GAS2L2: variants seen among roughly 807,000 people sequenced by gnomAD.
GAS2L2 encodes the protein growth arrest specific 2 like 2, also known as GAS2-like protein 2.
In GAS2L2, 21 loss-of-function variants were observed where a neutral mutation model predicts 35.2. That is an observed-to-expected ratio of 0.60 (90% CI 0.42 to 0.86). The LOEUF (loss-of-function observed/expected upper bound fraction) is 0.86. GAS2L2 is among the 40% of genes least tolerant of loss of function. GAS2L2 has a pLI of 0.00. For missense variants in GAS2L2, 1,169 were observed against 1,144.4 expected, an observed-to-expected ratio of 1.02 and a Z score of -0.31; for synonymous variants, 490 against 473.2, an observed-to-expected ratio of 1.04 and a Z score of -0.46.
rs2085658007 is a variant in GAS2L2 at position 35,745,331 on chromosome 17, C to A, written c.2166G>T (p.Gln722His). The change falls in exon 6 of 6, where the codon CAG becomes CAT. Residue 722 changes from glutamine to histidine, a missense_variant. Coordinates refer to ENST00000604641, the MANE Select transcript of GAS2L2 (RefSeq NM_139285.4). Reference protein sequence around the residue: ...KGTHMRKVPPQGGQDCSASTV... With the variant: ...KGTHMRKVPPHGGQDCSASTV... ...TAGAAGCCGAGCAGTCCTGCCCTCC[C>A]TGAGGTGGGACCTTCCTCATGTGGG... 4 of 1,609,888 alleles carry A rather than the reference C, an allele frequency of 2.5e-6. No homozygotes were observed. Among genetic ancestry groups the A allele is most frequent in the Non-Finnish European group, 3.4e-6 (4 of 1,177,436 alleles).
chr17:35,749,285 C>T (rs1454937544), intron 2 of GAS2L2, 68 bp from the exon 3 acceptor site: 3 of 951,984 alleles, frequency 3.2e-6, no homozygotes, highest in African/African-American at 3.3e-5. Context: ...GGCCTACCTG[C>T]CCCCCAGGTC....
Position 35,744,858 on chromosome 17 carries a change from A to G in GAS2L2, c.2639T>C (p.Val880Ala), listed in dbSNP as rs782408278. ...TACCCAACACGCTCATGTGCCTCAG[A>G]CCCAGGACTCCTCCTCAGGTGGAAG... is the stretch of plus-strand genomic sequence containing the variant. The part of the protein sequence containing the change: ...APLPPEEESW[V>A] The change falls in exon 6 of 6, where the codon GTC (valine) becomes GCC (alanine). Residue 880 changes from valine (V) to alanine (A), a missense_variant. Physicochemically the swap from Val to Ala is moderately conservative, Grantham distance 64. Transcript: ENST00000604641. The G allele has an allele frequency of 4.4e-6, 7 of 1,579,788 alleles. No individual in the cohort carries two copies. The African/African-American group carries it at 6.8e-5, about 15-fold the overall frequency.
In GAS2L2 at chr17:35,745,877, G is replaced by A. The variant is rs144128342; in HGVS notation, c.1620C>T (p.Ala540=). The A allele has an allele frequency of 3.8e-4, 614 of 1,613,628 alleles. No homozygotes were observed. Among genetic ancestry groups the A allele is most frequent in the Middle Eastern group, 9.9e-4 (6 of 6,062 alleles). The stretch of plus-strand genomic sequence containing the variant: ...TGGACCCAGCCAGGTCCACAGTGAC[G>A]GCCCTTAGTGGGATGGGGTCTCTCC... ...ELGRDPIPLR[A]VTVDLAGSTH... Residue 540 remains alanine, a synonymous_variant, in exon 6 of 6, where the codon GCC becomes GCT. Coordinates refer to ENST00000604641, the MANE Select transcript of GAS2L2 (RefSeq NM_139285.4).
Position 35,745,651 on chromosome 17 carries a change from C to T in GAS2L2, c.1846G>A (p.Glu616Lys). The change falls in exon 6 of 6, where the codon GAA becomes AAA. Residue 616 changes from glutamate to lysine, a missense_variant. Physicochemically the swap from Glu to Lys is moderately conservative, Grantham distance 56. Transcript: ENST00000604641. ...CCCTGCGGACAGGCACTCCTGACTT[C>T]TAGCAGCTTCATGTTGCCCAAAATC... ...EEILGNMKLL[E>K]VRSACPQGTR... The T allele has an allele frequency of 6.2e-7, 1 of 1,613,980 alleles. No homozygotes were observed. Among genetic ancestry groups the T allele is most frequent in the Non-Finnish European group, 8.5e-7 (1 of 1,180,044 alleles).
intron 3 of GAS2L2, among the ~76,000 whole-genome samples, 198 bp downstream of exon 3, chr17:35,748,912 C>G (rs1555599370): frequency 6.6e-6 from 1 of 152,172 alleles, no homozygotes; most frequent in East Asian, 1.9e-4. Flanking sequence ...AGAAGGAGAG[C>G]TCCAAGGCCT....
At chr17:35,750,756 C>A (rs1555599674) in intron 1 of GAS2L2, among the ~76,000 whole-genome samples, 1 of 152,172 alleles carries the variant, frequency 6.6e-6, no homozygotes, top group East Asian at 1.9e-4. Context: ...TCAAACTCAG[C>A]TCCCACCCAG....
At position 35,746,435 on chromosome 17, in the gene GAS2L2, G is replaced by T. The variant is rs782628971; in HGVS notation, c.1086-24C>A. 10 of 1,316,440 alleles carry T rather than the reference G, an allele frequency of 7.6e-6. No homozygotes were observed. In the South Asian group the frequency reaches 3.0e-4, roughly 39 times the overall value. The allele number at this position is 1,316,440 out of a possible 1,614,324, so 81.5% of individuals were successfully genotyped here. A position where few individuals can be genotyped will look rare whatever the true frequency, so the allele number is the denominator to read the frequency against. On this transcript the variant is annotated intron_variant, in intron 5 of 5. Transcript: ENST00000604641. ...ACCTGAAAGGGAGAATCACAAGGCT[G>T]CAAAGGGAGACTCATCAGGCCGGCA...
chr17:35,752,722 G>A lies in GAS2L2; in HGVS notation c.129C>T (p.Arg43=), dbSNP rs781955631. The A allele has an allele frequency of 2.9e-5, 46 of 1,613,838 alleles. No homozygotes were observed. The highest frequency in any genetic ancestry group is 1.3e-4 in the South Asian group (12 of 91,082). Residue 43 remains arginine (R), a synonymous_variant, in exon 1 of 6, where the codon CGC becomes CGT. Transcript: ENST00000604641. Reference sequence around the variant, plus strand: ...CGTCGATGTCCAGCCCATAGAGGTCGCGAAGCCACTCAGCCAGGTCTTCCT... The same window carrying A: ...CGTCGATGTCCAGCCCATAGAGGTCACGAAGCCACTCAGCCAGGTCTTCCT... ...AMKEDLAEWL[R]DLYGLDIDAA...
In GAS2L2 at chr17:35,747,122, T is replaced by G; in HGVS notation, c.979A>C (p.Thr327Pro). The G allele has an allele frequency of 6.2e-7, 1 of 1,613,486 alleles. No homozygotes were observed. The highest frequency in any genetic ancestry group is 1.1e-5 in the South Asian group (1 of 91,060). ...PPPPVDWKTY[T>P]SSDRRLRPPT... is the part of the protein sequence containing the mutation. ...GGCCTCAGCCTTCGGTCTGAAGAGG[T>G]ATATGTCTTCCAGTCCACAGGGGGT... Residue 327 changes from threonine to proline, a missense_variant, in exon 5 of 6, where the codon ACC becomes CCC. Around this residue, in one of 3 missense-constraint regions of GAS2L2, gnomAD observed 1,035 missense variants for 976.5 expected, o/e 1.06. Transcript: ENST00000604641.
chr17:35,746,713 C>T (rs1462300584), intron 5 of GAS2L2, among the ~76,000 whole-genome samples: 1 of 152,110 alleles, frequency 6.6e-6, no homozygotes, highest in African/African-American at 2.4e-5. Context: ...AGTTGCAGGG[C>T]AGTGGAGAGA....
rs1017367436 is a variant in GAS2L2 at position 35,747,030 on chromosome 17, C to A, written c.1071G>T (p.Met357Ile). The A allele has an allele frequency of 8.9e-6, 14 of 1,580,096 alleles. No individual in the cohort carries two copies. The highest frequency in any genetic ancestry group is 3.4e-4 in the Middle Eastern group (2 of 5,860). ...CTTCCCCATACCTCAGGAATGGTGC[C>A]ATCTCTCTGGAGGCCCCCGTCCCTG... ...RGAGTGASRE[M>I]APFLRCQERS... Residue 357 changes from methionine to isoleucine, a missense_variant, in exon 5 of 6, where the codon ATG (methionine) becomes ATT (isoleucine). Physicochemically the swap from Met to Ile is conservative, Grantham distance 10. Transcript: ENST00000604641.
intron 1 of GAS2L2, among the ~76,000 whole-genome samples, chr17:35,751,284 G>A (rs2085701705): frequency 6.6e-6 from 1 of 152,054 alleles, no homozygotes; most frequent in South Asian, 2.1e-4. Context: ...CCTCTCCCTA[G>A]TCATTCACAC....
Position 35,744,710 on chromosome 17 carries a change from G to T in GAS2L2, c.*144C>A. On this transcript the variant is annotated 3_prime_UTR_variant, in exon 6 of 6. Coordinates refer to ENST00000604641, the MANE Select transcript of GAS2L2 (RefSeq NM_139285.4). ...GCCCCTTTGCTCAGATGAGCAGATG[G>T]AGTCTATATTTGTCTTCTGACCCAC... 1.5e-6 allele frequency: 1 copy of T among 658,936 alleles called. No homozygotes were observed. The highest frequency in any genetic ancestry group is 2.6e-6 in the Non-Finnish European group (1 of 387,592). The allele number at this position is 658,936 out of a possible 1,614,324, so 40.8% of individuals were successfully genotyped here.
chr17:35,750,497 T>A (rs761278962), intron 1 of GAS2L2, among the ~76,000 whole-genome samples, 179 bp from the exon 2 acceptor site: 5 of 151,802 alleles, frequency 3.3e-5, no homozygotes, highest in Non-Finnish European at 5.9e-5. Context: ...CTAGGAGGGG[T>A]CTGGGCGGAA....
chr17:35,751,846 CTCTTTTTTTTT>C (rs1352092178), intron 1 of GAS2L2, among the ~76,000 whole-genome samples: 3 of 132,424 alleles, frequency 2.3e-5, no homozygotes, highest in African/African-American at 9.7e-5. Context: ...CTCTCTCTCT[CTCTTTTTTTTT>C]TTTTTTTTTT....
chr17:35,750,050 C>T (rs782170313), intron 2 of GAS2L2, 27 bp downstream of exon 2: 24 of 1,597,930 alleles, frequency 1.5e-5, no homozygotes, highest in Non-Finnish European at 4.3e-6. Flanking sequence ...GGAAGGGGGC[C>T]CTGAGGGCGT....
At chr17:35,752,377 C>T (rs1012310610) in intron 1 of GAS2L2, 89 bp downstream of exon 1, 52 of 1,315,584 alleles carry the variant, frequency 4.0e-5, no homozygotes, top group Non-Finnish European at 5.4e-5. Context: ...CAGGCTCCTG[C>T]CCCCCAGAGC....
intron 1 of GAS2L2, 140 bp downstream of exon 1, chr17:35,752,326 T>C (rs935494762): frequency 4.3e-5 from 31 of 728,702 alleles, no homozygotes; most frequent in Non-Finnish European, 7.0e-5. Flanking sequence ...AACTGAGGCA[T>C]GAAAAAAGAG....
In GAS2L2 at chr17:35,745,725, G is replaced by A. The variant is rs782050578; in HGVS notation, c.1772C>T (p.Pro591Leu). Residue 591 changes from proline (P) to leucine (L), a missense_variant, in exon 6 of 6, where the codon CCC becomes CTC. Coordinates refer to ENST00000604641, the MANE Select transcript of GAS2L2 (RefSeq NM_139285.4). ...QEQEGRYTPL[P>L]LGGNKEQAIY... ...GGCTTGCTCCTTGTTCCCGCCCAAG[G>A]GCAGAGGTGTGTACCGCCCCTCCTG... is the stretch of plus-strand genomic sequence containing the variant. The A allele has an allele frequency of 6.2e-7, 1 of 1,613,890 alleles. No individual in the cohort carries two copies. Among genetic ancestry groups the A allele is most frequent in the Non-Finnish European group, 8.5e-7 (1 of 1,180,048 alleles).
Sources: gnomAD v4.1 joint callset for allele counts (sites outside exome capture counted in the v4.1 genomes callset) on GRCh38, gnomAD v4.1.1 for gene constraint, gnomAD v4.1.1 regional missense constraint, MANE v1.5 for transcripts, NCBI Gene and HGNC (gene_info 2026-07-23, HGNC 2026-07-21) for gene names.